Variants in ZNHIT6 observed in about 807,000 individuals in gnomAD.
ZNHIT6 encodes the protein zinc finger HIT-type containing 6.
A neutral mutation model predicts 57.2 loss-of-function variants in ZNHIT6; 45 were observed. The ratio of observed to expected loss-of-function variants is 0.79; its 90% CI spans 0.62 to 1.01. The LOEUF is 1.01. Among genes scored for constraint, ZNHIT6 ranks in the 50% least tolerant of loss-of-function variants. The pLI, the probability that ZNHIT6 is intolerant of heterozygous loss-of-function variation, is 0.00. For missense variants in ZNHIT6, 528 were observed against 567.3 expected (o/e 0.93, Z 0.70); for synonymous variants, 188 against 190.0 (o/e 0.99, Z 0.09).
chr1:85,658,175 A>C (rs773804675), intron 8 of ZNHIT6, among the ~76,000 whole-genome samples: 3 of 152,166 alleles, frequency 2.0e-5, no homozygotes, highest in Non-Finnish European at 4.4e-5. Flanking sequence ...CTAAAACTAA[A>C]TAAAAAAAAA....
chr1:85,708,057 CGTTA>C lies in ZNHIT6; in HGVS notation c.224_227del (p.Leu75ArgfsTer2). 1 of 1,614,166 alleles carries C rather than the reference CGTTA, an allele frequency of 6.2e-7. No homozygotes were observed. The highest frequency in any genetic ancestry group is 8.5e-7 in the Non-Finnish European group (1 of 1,180,030). On this transcript the variant is annotated frameshift_variant, in exon 1 of 10. Coordinates refer to ENST00000370574, the MANE Select transcript of ZNHIT6 (RefSeq NM_017953.4). LOFTEE classifies it high-confidence loss of function. ...AGTCTATAATTTCCTGCTTCACTAC[CGTTA>C]GGTCCATCGGTATTTCCTCTGGCCT...
At chr1:85,667,463 T>C (rs1014099808) in intron 8 of ZNHIT6, among the ~76,000 whole-genome samples, 1 of 152,118 alleles carries the variant, frequency 6.6e-6, no homozygotes, top group Non-Finnish European at 1.5e-5. Context: ...AAAACAATGA[T>C]ACTTTTGTAC....
chr1:85,679,737 A>G lies in ZNHIT6; in HGVS notation c.1089-956T>C, dbSNP rs1171844909. ...GTAGCTGTGATTACAGGGGTGCGCC[A>G]CTTCCCCCAGCTAATTTTTGTATTT... is the stretch of plus-strand genomic sequence containing the variant. On this transcript the variant is annotated intron_variant, in intron 6 of 9. Coordinates refer to ENST00000370574, the MANE Select transcript of ZNHIT6 (RefSeq NM_017953.4). Among the ~76,000 whole-genome samples the G allele has an allele frequency of 2.0e-5, 3 of 151,918 alleles. No individual in the cohort carries two copies. In the East Asian group the frequency reaches 5.8e-4, roughly 29 times the overall value.
intron 8 of ZNHIT6, among the ~76,000 whole-genome samples, chr1:85,658,889 A>AT (rs1661148274): frequency 6.6e-6 from 1 of 152,074 alleles, no homozygotes; most frequent in Non-Finnish European, 1.5e-5. Flanking sequence ...TAAAAAAATA[A>AT]AATAATAATA....
At chr1:85,692,628 A>G (rs1041884262) in intron 5 of ZNHIT6, among the ~76,000 whole-genome samples, 1 of 152,070 alleles carries the variant, frequency 6.6e-6, no homozygotes, top group African/African-American at 2.4e-5. Flanking sequence ...CAACTGCTAA[A>G]CCCATCATTT....
At chr1:85,679,560 A>AAT (rs1303645231) in intron 6 of ZNHIT6, among the ~76,000 whole-genome samples, 5 of 102,902 alleles carry the variant, frequency 4.9e-5, no homozygotes, top group Non-Finnish European at 1.0e-4. Context: ...CAAACATTAA[A>AAT]ATGTTTTTTT....
intron 8 of ZNHIT6, among the ~76,000 whole-genome samples, chr1:85,662,650 C>T (rs1001226531): frequency 8.5e-5 from 13 of 152,132 alleles, no homozygotes; most frequent in Admixed American, 4.6e-4. Flanking sequence ...CTTTTTCTCA[C>T]CCAATCTCTC....
intron 5 of ZNHIT6, among the ~76,000 whole-genome samples, chr1:85,685,071 T>C (rs575560686): frequency 2.0e-4 from 31 of 152,322 alleles, no homozygotes; most frequent in Non-Finnish European, 4.6e-4. Flanking sequence ...GGCAACTTCA[T>C]TGCTGACAGG....
chr1:85,674,727 C>A (rs1224780044), intron 8 of ZNHIT6, among the ~76,000 whole-genome samples: 3 of 152,046 alleles, frequency 2.0e-5, no homozygotes, highest in African/African-American at 7.2e-5. Flanking sequence ...CTAATTAGTT[C>A]ATTTAAATGT....
intron 8 of ZNHIT6, among the ~76,000 whole-genome samples, chr1:85,669,779 T>C (rs1661500460): frequency 6.6e-6 from 1 of 152,200 alleles, no homozygotes; most frequent in African/African-American, 2.4e-5. Flanking sequence ...TGGGCACCTT[T>C]TATGCCTTGT....
At chr1:85,689,533 T>G (rs1167526214) in intron 5 of ZNHIT6, among the ~76,000 whole-genome samples, 2 of 152,204 alleles carry the variant, frequency 1.3e-5, no homozygotes, top group Non-Finnish European at 2.9e-5. Flanking sequence ...TTTTGTCCTT[T>G]TAAAAATTAG....
At position 85,708,404 on chromosome 1, in the gene ZNHIT6, C is replaced by A; in HGVS notation, c.-120G>T. On this transcript the variant is annotated 5_prime_UTR_variant, in exon 1 of 10. Coordinates refer to ENST00000370574, the MANE Select transcript of ZNHIT6 (RefSeq NM_017953.4). Reference sequence around the variant, plus strand: ...GCCCACGTGTGGAGCCAAGCAGCCACAAACCCGGAATAGCCTGCTTGACGC... The same window carrying A: ...GCCCACGTGTGGAGCCAAGCAGCCAAAAACCCGGAATAGCCTGCTTGACGC... The A allele has an allele frequency of 7.6e-7, 1 of 1,313,596 alleles. No homozygotes were observed. The highest frequency in any genetic ancestry group is 2.4e-5 in the East Asian group (1 of 41,546). 81.4% of individuals were successfully genotyped at this position (1,313,596 alleles called of 1,614,324 possible).
chr1:85,701,543 C>T (rs1362845923), intron 5 of ZNHIT6, among the ~76,000 whole-genome samples: 1 of 152,178 alleles, frequency 6.6e-6, no homozygotes, highest in Non-Finnish European at 1.5e-5. Context: ...ATTATCTGTA[C>T]TCAAGAGTTC....
intron 8 of ZNHIT6, 56 bp from the exon 9 acceptor site, chr1:85,658,027 T>A: frequency 5.8e-6 from 7 of 1,205,178 alleles, no homozygotes; most frequent in Non-Finnish European, 8.0e-6. Flanking sequence ...TCAAAATTAC[T>A]AATAGATAAA....
intron 4 of ZNHIT6, among the ~76,000 whole-genome samples, chr1:85,704,558 C>T (rs1662626543): frequency 6.6e-6 from 1 of 151,932 alleles, no homozygotes; most frequent in African/African-American, 2.4e-5. Context: ...ATTCATTATA[C>T]TGTGTATTTC....
intron 5 of ZNHIT6, among the ~76,000 whole-genome samples, chr1:85,691,243 A>G (rs56965195): frequency 6.6e-6 from 1 of 152,380 alleles, no homozygotes; most frequent in East Asian, 1.9e-4. Flanking sequence ...GTTATGTTTA[A>G]TAAAAAATAA....
At chr1:85,688,179 T>C (rs1662119438) in intron 5 of ZNHIT6, among the ~76,000 whole-genome samples, 1 of 152,210 alleles carries the variant, frequency 6.6e-6, no homozygotes, top group South Asian at 2.1e-4. Flanking sequence ...TGGTTCTAAA[T>C]GTATGTATTA....
Position 85,707,945 on chromosome 1 carries a change from C to T in ZNHIT6, c.340G>A (p.Val114Ile), listed in dbSNP as rs748616487. Reference protein sequence around the residue: ...RPEVKDENAGVLEVKQETDSS... With the variant: ...RPEVKDENAGILEVKQETDSS... Reference sequence around the variant, plus strand: ...TCCGTCTCCTGCTTCACCTCCAATACGCCTGCGTTCTCATCCTTCACCTCA... The same window carrying T: ...TCCGTCTCCTGCTTCACCTCCAATATGCCTGCGTTCTCATCCTTCACCTCA... The change falls in exon 1 of 10, where the codon GTA (valine) becomes ATA (isoleucine). Residue 114 changes from valine (V) to isoleucine (I), a missense_variant. By Grantham distance (29) the Val-to-Ile change is conservative (BLOSUM62 3). Transcript: ENST00000370574. The T allele has an allele frequency of 3.7e-6, 6 of 1,611,998 alleles. No homozygotes were observed. The African/African-American group carries it at 5.3e-5, about 14-fold the overall frequency.
At chr1:85,682,436 A>G (rs1661907823) in intron 5 of ZNHIT6, among the ~76,000 whole-genome samples, 1 of 152,190 alleles carries the variant, frequency 6.6e-6, no homozygotes, top group Non-Finnish European at 1.5e-5. Flanking sequence ...ATTGTAAACC[A>G]TACTCAATCA....
Sources: allele counts gnomAD v4.1 joint callset (sites outside exome capture counted in the v4.1 genomes callset), GRCh38; gene constraint gnomAD v4.1.1; transcripts MANE v1.5; gene names NCBI Gene and HGNC (gene_info 2026-07-23, HGNC 2026-07-21).